The following FHOD3 variants were observed in gnomAD, a reference collection of about 807,000 sequenced individuals.
FHOD3 encodes the protein formin homology 2 domain containing 3.
A neutral mutation model predicts 173.0 loss-of-function variants in FHOD3; 90 were observed. That is an observed-to-expected ratio of 0.52 (90% CI 0.44 to 0.62). FHOD3 has a LOEUF of 0.62. FHOD3 is among the 20% of genes least tolerant of loss of function. The pLI, the probability that FHOD3 is intolerant of heterozygous loss-of-function variation, is 0.00. For missense variants in FHOD3, 1,945 were observed against 2,034.7 expected (o/e 0.96, Z 0.85); for synonymous variants, 828 against 823.0 (o/e 1.01, Z -0.10).
At chr18:36,624,919 C>T (rs550698013) in intron 9 of FHOD3, among the ~76,000 whole-genome samples, 1 of 152,334 alleles carries the variant, frequency 6.6e-6, no homozygotes, top group Non-Finnish European at 1.5e-5. Flanking sequence ...CTGAACCAGG[C>T]TGCTGTGATA....
At chr18:36,447,805 C>T (rs572319932) in intron 3 of FHOD3, among the ~76,000 whole-genome samples, 2 of 152,138 alleles carry the variant, frequency 1.3e-5, no homozygotes, top group Non-Finnish European at 2.9e-5. Context: ...AATAGTGTAG[C>T]GACCTGGAAA....
chr18:36,714,853 C>T (rs956587123), intron 18 of FHOD3, among the ~76,000 whole-genome samples: 4 of 152,184 alleles, frequency 2.6e-5, no homozygotes, highest in Non-Finnish European at 4.4e-5. Flanking sequence ...GGCCTAAGGT[C>T]CCCTGGTCAG....
At chr18:36,608,376 C>T (rs1373368730) in intron 8 of FHOD3, among the ~76,000 whole-genome samples, 3 of 152,192 alleles carry the variant, frequency 2.0e-5, no homozygotes, top group Non-Finnish European at 4.4e-5. Flanking sequence ...TACCAGGAAA[C>T]TACTCCTACA....
chr18:36,643,452 C>A (rs2035472721), intron 10 of FHOD3, among the ~76,000 whole-genome samples: 1 of 152,048 alleles, frequency 6.6e-6, no homozygotes, highest in African/African-American at 2.4e-5. Context: ...GGCAGAATAA[C>A]CCTGGTGCAG....
At chr18:36,725,852 C>T (rs2041036958) in intron 19 of FHOD3, among the ~76,000 whole-genome samples, 1 of 152,052 alleles carries the variant, frequency 6.6e-6, no homozygotes, top group Non-Finnish European at 1.5e-5. Flanking sequence ...TGTCCTGGAC[C>T]ATTGTATAGA....
intron 5 of FHOD3, among the ~76,000 whole-genome samples, chr18:36,533,297 C>G (rs939491545): frequency 6.6e-6 from 1 of 152,178 alleles, no homozygotes; most frequent in African/African-American, 2.4e-5. Flanking sequence ...TTGGATGCAT[C>G]GCGGCTTGTA....
Position 36,649,404 on chromosome 18 carries a change from A to G in FHOD3, c.1285A>G (p.Ser429Gly), listed in dbSNP as rs2035902003. ...TGATGCTTCCTGTCAGGGCAAGGAC[A>G]GGTACCTAGGACTGGAGCCTCCCAA... ...EDDASCQGKD[S>G]KVGAASGQSP... Residue 429 changes from serine (S) to glycine (G), a missense_variant and splice_region_variant, in exon 11 of 29, where the codon AGC (serine) becomes GGC (glycine). By Grantham distance (56) the Ser-to-Gly change is moderately conservative. This residue lies in a region of FHOD3 where 1,099 missense variants were observed against 1,051.2 expected (regional missense o/e 1.05). Transcript: ENST00000590592. 6.5e-7 allele frequency: 1 copy of G among 1,534,510 alleles called. No homozygotes were observed. The highest frequency in any genetic ancestry group is 8.7e-7 in the Non-Finnish European group (1 of 1,146,008).
chr18:36,439,703 G>T (rs1350349519), intron 3 of FHOD3, among the ~76,000 whole-genome samples: 2 of 152,114 alleles, frequency 1.3e-5, no homozygotes, highest in Non-Finnish European at 2.9e-5. Context: ...AACCAGGGGA[G>T]TGGGCAGTGT....
At chr18:36,373,584 T>C (rs1047934719) in intron 3 of FHOD3, among the ~76,000 whole-genome samples, 2 of 152,192 alleles carry the variant, frequency 1.3e-5, no homozygotes, top group African/African-American at 4.8e-5. Flanking sequence ...TCATTTGGTG[T>C]GGAGGGTGGT....
intron 18 of FHOD3, among the ~76,000 whole-genome samples, chr18:36,713,162 G>A (rs1168724565): frequency 6.6e-6 from 1 of 152,212 alleles, no homozygotes; most frequent in Non-Finnish European, 1.5e-5. Context: ...AGAAGGTTTG[G>A]AACTTCAGGA....
intron 24 of FHOD3, among the ~76,000 whole-genome samples, chr18:36,751,294 G>A (rs2042393197): frequency 6.6e-6 from 1 of 152,206 alleles, no homozygotes; most frequent in African/African-American, 2.4e-5. Context: ...TGTTGTTGGT[G>A]TGTAGGAAAG....
chr18:36,631,717 T>C (rs1323929349), intron 10 of FHOD3, among the ~76,000 whole-genome samples: 1 of 152,222 alleles, frequency 6.6e-6, no homozygotes, highest in Non-Finnish European at 1.5e-5. Context: ...ATGGTGGAGC[T>C]GGTTCTACAG....
chr18:36,669,901 C>T (rs996984116), intron 14 of FHOD3, among the ~76,000 whole-genome samples: 1 of 151,500 alleles, frequency 6.6e-6, no homozygotes, highest in Non-Finnish European at 1.5e-5. Flanking sequence ...TATCTTCTGC[C>T]AACATTTCTT....
chr18:36,532,383 G>A (rs1317079627), intron 5 of FHOD3, among the ~76,000 whole-genome samples: 2 of 152,214 alleles, frequency 1.3e-5, no homozygotes, highest in South Asian at 2.1e-4. Flanking sequence ...CCCTGGAAGA[G>A]AGAAGGAAGA....
At chr18:36,779,105 G>A in intron 28 of FHOD3, 1 of 315,774 alleles carries the variant, frequency 3.2e-6, no homozygotes, top group South Asian at 5.1e-5. Flanking sequence ...GGTCTCTCCT[G>A]CCCTCTGCAC....
At chr18:36,642,058 C>T (rs534018712) in intron 10 of FHOD3, among the ~76,000 whole-genome samples, 1 of 152,162 alleles carries the variant, frequency 6.6e-6, no homozygotes, top group African/African-American at 2.4e-5. Context: ...AATACTGCCT[C>T]TTCTCACTTA....
In FHOD3 at chr18:36,709,358, A is replaced by G. The variant is rs1472012953; in HGVS notation, c.2500A>G (p.Lys834Glu). ...SSSSTLEREEKEDKLSRDRTT... is the reference protein window; with the variant it reads ...SSSSTLEREEEEDKLSRDRTT... ...CAGCAGCACGTTGGAGAGGGAGGAGAAGGAGGACAAGCTCTCCAGGGACAG... is the reference window on the plus strand; with the variant it reads ...CAGCAGCACGTTGGAGAGGGAGGAGGAGGAGGACAAGCTCTCCAGGGACAG... The change falls in exon 18 of 29, where the codon AAG (lysine) becomes GAG (glutamate). Residue 834 changes from lysine (K) to glutamate (E), a missense_variant. This residue lies in a region of FHOD3 where 1,099 missense variants were observed against 1,051.2 expected (regional missense o/e 1.05). Transcript: ENST00000590592. The G allele has an allele frequency of 4.3e-6, 7 of 1,614,066 alleles. No individual in the cohort carries two copies. In the South Asian group the frequency reaches 6.6e-5, roughly 15 times the overall value.
intron 3 of FHOD3, among the ~76,000 whole-genome samples, chr18:36,414,897 A>C (rs1332035038): frequency 1.3e-5 from 2 of 152,046 alleles, no homozygotes; most frequent in Non-Finnish European, 2.9e-5. Context: ...GGGCTGTCTG[A>C]CTTCTAGCTT....
At chr18:36,614,840 A>ATTTTTTTTTTTT in intron 9 of FHOD3, among the ~76,000 whole-genome samples, 1 of 86,194 alleles carries the variant, frequency 1.2e-5, no homozygotes, top group Non-Finnish European at 2.2e-5. Flanking sequence ...TTTTTAATTG[A>ATTTTTTTTTTTT]TTTTTTTTTT....
Sources: allele counts gnomAD v4.1 joint callset (sites outside exome capture counted in the v4.1 genomes callset), GRCh38; gene constraint gnomAD v4.1.1; regional missense constraint gnomAD v4.1.1; transcripts MANE v1.5; gene names NCBI Gene and HGNC (gene_info 2026-07-23, HGNC 2026-07-21).